Variants in PALM2AKAP2 observed in about 807,000 individuals in gnomAD.
The protein encoded by PALM2AKAP2 is PALM2-AKAP2 fusion protein.
A neutral mutation model predicts 71.5 loss-of-function variants in PALM2AKAP2; 37 were observed. That is an observed-to-expected ratio of 0.52 (90% confidence interval 0.40 to 0.68). The LOEUF is 0.68. Among genes scored for constraint, PALM2AKAP2 ranks in the 30% least tolerant of loss-of-function variants. PALM2AKAP2 has a pLI of 0.00. For missense variants in PALM2AKAP2, 1,224 were observed against 1,191.8 expected, an observed-to-expected ratio of 1.03 and a Z score of -0.40; for synonymous variants, 468 against 478.8, an observed-to-expected ratio of 0.98 and a Z score of 0.29.
intron 1 of PALM2AKAP2, among the ~76,000 whole-genome samples, chr9:110,108,953 C>G (rs1386150987): frequency 6.6e-6 from 1 of 152,024 alleles, no homozygotes; most frequent in African/African-American, 2.4e-5. Flanking sequence ...AAACCCAAAA[C>G]TTTTCAATAC....
chr9:109,918,291 T>C (rs1411338905), intron 3 of PALM2AKAP2, among the ~76,000 whole-genome samples: 2 of 152,082 alleles, frequency 1.3e-5, no homozygotes, highest in South Asian at 2.1e-4. Flanking sequence ...AGAGCGAGAG[T>C]TCCTTTCTGT....
chr9:109,822,304 C>CATCCA (rs200070601), intron 1 of PALM2AKAP2, among the ~76,000 whole-genome samples: 3 of 143,262 alleles, frequency 2.1e-5, no homozygotes, highest in African/African-American at 7.8e-5. Flanking sequence ...TCCATCCATC[C>CATCCA]ATCTATCCAT....
intron 1 of PALM2AKAP2, among the ~76,000 whole-genome samples, chr9:109,755,539 G>A (rs1186961575): frequency 1.3e-5 from 2 of 152,006 alleles, no homozygotes; most frequent in African/African-American, 4.8e-5. Context: ...AGGTGTGGTC[G>A]CTGGTACTTG....
chr9:109,923,971 T>A (rs919092822), intron 4 of PALM2AKAP2, 122 bp downstream of exon 4: 5 of 1,026,216 alleles, frequency 4.9e-6, no homozygotes, highest in Non-Finnish European at 5.5e-6. Context: ...ACGAACTCTA[T>A]GAAATGAGGG....
Position 109,672,285 on chromosome 9 carries a change from C to T in PALM2AKAP2, c.5+31419C>T, listed in dbSNP as rs943004569. 1.8e-4 allele frequency among the ~76,000 whole-genome samples: 28 copies of T among 152,130 alleles called. 1 individual carries two copies. Among genetic ancestry groups the T allele is most frequent in the Admixed American group, 1.6e-3 (24 of 15,264 alleles). On this transcript the variant is annotated intron_variant, in intron 1 of 6. Transcript: ENST00000374531. ...ATTTTGAGTTGTGTTCCTTCAATACCTATTTTACTGAGAGTTTTTAACGTG... is the reference window on the plus strand; with the variant it reads ...ATTTTGAGTTGTGTTCCTTCAATACTTATTTTACTGAGAGTTTTTAACGTG...
chr9:110,141,565 G>C (rs567410942), intron 2 of PALM2AKAP2, among the ~76,000 whole-genome samples: 1 of 152,304 alleles, frequency 6.6e-6, no homozygotes, highest in Non-Finnish European at 1.5e-5. Flanking sequence ...CATGATCGGG[G>C]AGAAGGCTGA....
intron 6 of PALM2AKAP2, among the ~76,000 whole-genome samples, chr9:110,015,459 G>A (rs1832963168): frequency 1.3e-5 from 2 of 152,100 alleles, no homozygotes; most frequent in South Asian, 4.1e-4. Context: ...AATTAGTCAG[G>A]TGTGGTGGCG....
chr9:110,040,720 G>A (rs1434636439), intron 7 of PALM2AKAP2, among the ~76,000 whole-genome samples: 2 of 152,098 alleles, frequency 1.3e-5, no homozygotes, highest in Non-Finnish European at 2.9e-5. Context: ...TTGAAAAGAA[G>A]TTAAGCACCA....
intron 2 of PALM2AKAP2, among the ~76,000 whole-genome samples, chr9:110,151,608 A>G (rs1454886332): frequency 1.3e-5 from 2 of 152,234 alleles, no homozygotes; most frequent in African/African-American, 4.8e-5. Context: ...ACAGGACACA[A>G]TGTTAGAAAC....
At chr9:109,900,534 G>A (rs1221642617) in intron 3 of PALM2AKAP2, among the ~76,000 whole-genome samples, 1 of 152,096 alleles carries the variant, frequency 6.6e-6, no homozygotes, top group Non-Finnish European at 1.5e-5. Context: ...TTAGGATTTG[G>A]GCTTTTACCC....
At chr9:110,114,635 A>G (rs1478206250) in intron 1 of PALM2AKAP2, among the ~76,000 whole-genome samples, 1 of 152,218 alleles carries the variant, frequency 6.6e-6, no homozygotes, top group African/African-American at 2.4e-5. Flanking sequence ...TTCCCACCGT[A>G]TCACTTTACC....
At chr9:110,168,047 A>G (rs755766157) in intron 3 of PALM2AKAP2, among the ~76,000 whole-genome samples, 85 of 152,354 alleles carry the variant, frequency 5.6e-4, no homozygotes, top group Non-Finnish European at 1.0e-3. Context: ...ATCATTGCAT[A>G]AAGTTCAATT....
chr9:110,167,526 G>A (rs1836768931), intron 3 of PALM2AKAP2, among the ~76,000 whole-genome samples: 2 of 152,166 alleles, frequency 1.3e-5, no homozygotes, highest in Non-Finnish European at 2.9e-5. Context: ...CTCCTCTCGG[G>A]ATTCCACAGA....
chr9:109,963,119 A>G (rs1450172939), intron 6 of PALM2AKAP2, among the ~76,000 whole-genome samples: 1 of 152,156 alleles, frequency 6.6e-6, no homozygotes, highest in Non-Finnish European at 1.5e-5. Flanking sequence ...AAGAATGAGT[A>G]TGGTTTTCAG....
chr9:109,788,904 A>T (rs1315134385), intron 1 of PALM2AKAP2, among the ~76,000 whole-genome samples: 1 of 152,090 alleles, frequency 6.6e-6, no homozygotes, highest in African/African-American at 2.4e-5. Flanking sequence ...CTGCCACTGC[A>T]CTCCAGACTG....
At chr9:109,692,996 A>ACTTG (rs1827920164) in intron 1 of PALM2AKAP2, among the ~76,000 whole-genome samples, 5 of 151,902 alleles carry the variant, frequency 3.3e-5, no homozygotes, top group African/African-American at 1.2e-4. Context: ...CTTATAAAAT[A>ACTTG]AACTTGAAAG....
chr9:109,769,815 C>T (rs1266201523), intron 1 of PALM2AKAP2, among the ~76,000 whole-genome samples: 3 of 151,910 alleles, frequency 2.0e-5, no homozygotes, highest in South Asian at 4.2e-4. Context: ...TTGTTTCCAC[C>T]TAGAATAGAA....
intron 1 of PALM2AKAP2, among the ~76,000 whole-genome samples, chr9:110,070,222 A>G (rs1490014558): frequency 1.3e-5 from 2 of 152,214 alleles, no homozygotes; most frequent in African/African-American, 2.4e-5. Flanking sequence ...TCTGCACTCA[A>G]AGAAATGCAG....
At chr9:109,844,587 T>C (rs892855206) in intron 1 of PALM2AKAP2, among the ~76,000 whole-genome samples, 1 of 152,242 alleles carries the variant, frequency 6.6e-6, no homozygotes, top group Non-Finnish European at 1.5e-5. Context: ...GTCTGTACTG[T>C]TTTTGTAAAT....
Sources: gnomAD v4.1 joint callset for allele counts (sites outside exome capture counted in the v4.1 genomes callset) on GRCh38, gnomAD v4.1.1 for gene constraint, MANE v1.5 for transcripts, NCBI Gene and HGNC (gene_info 2026-07-23, HGNC 2026-07-21) for gene names.